The following MEI4 variants were observed in gnomAD, a reference collection of about 807,000 sequenced individuals.
The protein encoded by MEI4 is meiosis-specific protein MEI4.
A neutral mutation model predicts 31.4 loss-of-function variants in MEI4; 27 were observed. That is an observed-to-expected ratio of 0.86 (90% CI 0.63 to 1.19). MEI4 has a LOEUF of 1.19. Ranked by LOEUF, MEI4 falls within the 50% of genes most tolerant of loss-of-function variation. The pLI, the probability that MEI4 is intolerant of heterozygous loss-of-function variation, is 0.00. For missense variants in MEI4, 329 were observed against 398.9 expected (o/e 0.82, Z 1.49); for synonymous variants, 122 against 145.4 (o/e 0.84, Z 1.16).
intron 4 of MEI4, among the ~76,000 whole-genome samples, chr6:77,907,392 G>GT (rs1175107872): frequency 1.3e-5 from 2 of 151,996 alleles, no homozygotes; most frequent in Non-Finnish European, 2.9e-5. Flanking sequence ...GCAGTGTTTG[G>GT]TTTTTTGTCC....
Position 77,690,813 on chromosome 6 carries a change from A to T in MEI4, c.142A>T (p.Arg48Ter). 2 of 1,231,650 alleles carry T rather than the reference A, an allele frequency of 1.6e-6. No homozygotes were observed. Among genetic ancestry groups the T allele is most frequent in the East Asian group, 6.3e-5 (2 of 31,684 alleles). 76.3% of individuals were successfully genotyped at this position (1,231,650 alleles called of 1,614,324 possible). ...MLLSEEQSKWRSKVEILEAEV... is the reference protein window; with the variant it reads ...MLLSEEQSKW ...GCTGTCTGAGGAGCAGTCAAAATGG[A>T]GATCAAAAGTTGAAATCTTGGAAGC... Residue 48 changes from arginine to a stop codon, truncating the protein, a stop_gained, in exon 2 of 5, where the codon AGA becomes TGA. Transcript: ENST00000684080. LOFTEE classifies it high-confidence loss of function.
rs192039325 is a variant in MEI4, at chr6:77,715,080, T to A, written c.232+24177T>A. On this transcript the variant is annotated intron_variant, in intron 2 of 4. Coordinates refer to ENST00000684080, the MANE Select transcript of MEI4 (RefSeq NM_001322247.2). ...AACACCTAACATGGGTTTGATGAAT[T>A]AAACAGAATACAGTATGAGTTGTGT... 4.9e-4 allele frequency among the ~76,000 whole-genome samples: 74 copies of A among 152,328 alleles called. 1 individual carries two copies. The East Asian group carries it at 0.014, about 28-fold the overall frequency.
intron 4 of MEI4, among the ~76,000 whole-genome samples, chr6:77,852,731 A>G (rs545522427): frequency 1.3e-5 from 2 of 151,954 alleles, no homozygotes; most frequent in South Asian, 2.1e-4. Context: ...CTATTTTATA[A>G]TGGCACTAAT....
At chr6:77,895,394 A>C (rs1384486959) in intron 4 of MEI4, among the ~76,000 whole-genome samples, 2 of 152,132 alleles carry the variant, frequency 1.3e-5, no homozygotes, top group African/African-American at 4.8e-5. Context: ...ATGCATCATC[A>C]CTAAGCAGAG....
intron 2 of MEI4, among the ~76,000 whole-genome samples, chr6:77,759,426 TC>T (rs1767995704): frequency 6.6e-6 from 1 of 152,172 alleles, no homozygotes; most frequent in African/African-American, 2.4e-5. Context: ...TTCTCCCCAG[TC>T]TTAGGCTTAT....
chr6:77,690,626 A>T (rs1465080019), intron 1 of MEI4, 32 bp from the exon 2 acceptor site: 18 of 1,077,244 alleles, frequency 1.7e-5, no homozygotes, highest in Non-Finnish European at 1.9e-5. Context: ...GTTAAAAAGA[A>T]TTTCTATAAC....
At chr6:77,754,751 A>G (rs1385451479) in intron 2 of MEI4, among the ~76,000 whole-genome samples, 1 of 152,132 alleles carries the variant, frequency 6.6e-6, no homozygotes, top group Non-Finnish European at 1.5e-5. Flanking sequence ...ACCCACAATC[A>G]TGGTGGAAGG....
chr6:77,654,994 C>T (rs968388464), intron 1 of MEI4, among the ~76,000 whole-genome samples: 1 of 151,818 alleles, frequency 6.6e-6, no homozygotes, highest in African/African-American at 2.4e-5. Flanking sequence ...CACATGCTGC[C>T]ATGGTGGTTT....
At chr6:77,803,768 C>T (rs567941485) in intron 3 of MEI4, among the ~76,000 whole-genome samples, 16 of 152,264 alleles carry the variant, frequency 1.1e-4, no homozygotes, top group South Asian at 4.1e-4. Flanking sequence ...GTATCAGCAG[C>T]GGAGTCTGCA....
chr6:77,682,940 A>G (rs138367757), intron 1 of MEI4, among the ~76,000 whole-genome samples: 22 of 152,330 alleles, frequency 1.4e-4, no homozygotes, highest in African/African-American at 5.1e-4. Flanking sequence ...GGTAGATTAG[A>G]GAAGCTAGGA....
chr6:77,807,049 G>C (rs1179954020), intron 3 of MEI4, among the ~76,000 whole-genome samples: 4 of 151,736 alleles, frequency 2.6e-5, no homozygotes, highest in East Asian at 1.9e-4. Flanking sequence ...AAAATGGTCT[G>C]ATCAGATTTA....
Position 77,860,285 on chromosome 6 carries a change from G to C in MEI4, c.900+31223G>C, listed in dbSNP as rs147867769. On this transcript the variant is annotated intron_variant, in intron 4 of 4. Transcript: ENST00000684080. The stretch of plus-strand genomic sequence containing the variant: ...GTGAAATAAAATTTGAACGATGTCA[G>C]AAGAGGGGAGTTGATAGCAGCTGCT... 1.4e-3 allele frequency among the ~76,000 whole-genome samples: 212 copies of C among 152,292 alleles called. 1 individual carries two copies. The highest frequency in any genetic ancestry group is 4.5e-3 in the African/African-American group (186 of 41,578).
chr6:77,841,199 A>G lies in MEI4; in HGVS notation c.900+12137A>G, dbSNP rs564072487. On this transcript the variant is annotated intron_variant, in intron 4 of 4. Coordinates refer to ENST00000684080, the MANE Select transcript of MEI4 (RefSeq NM_001322247.2). The stretch of plus-strand genomic sequence containing the variant: ...TACTTGGTGTATATGGATGCAATGT[A>G]TATGATAACTAAAATATAAAGTTAT... 8.3e-4 allele frequency among the ~76,000 whole-genome samples: 125 copies of G among 151,336 alleles called. 3 individuals are homozygous for G. The South Asian group carries it at 0.026, about 31-fold the overall frequency.
intron 4 of MEI4, among the ~76,000 whole-genome samples, chr6:77,861,954 A>T (rs924029574): frequency 6.6e-6 from 1 of 152,162 alleles, no homozygotes. Context: ...TACTTCAAAC[A>T]TGTCTAGATG....
chr6:77,829,667 AT>A (rs1457499345), intron 4 of MEI4, among the ~76,000 whole-genome samples: 1 of 152,142 alleles, frequency 6.6e-6, no homozygotes, highest in Admixed American at 6.5e-5. Flanking sequence ...TAGAAGGAAC[AT>A]AAGTCATTCC....
At chr6:77,681,075 C>T (rs946981494) in intron 1 of MEI4, among the ~76,000 whole-genome samples, 78 of 152,088 alleles carry the variant, frequency 5.1e-4, no homozygotes, top group African/African-American at 1.8e-3. Flanking sequence ...TCATCATCTC[C>T]CCTCTTTAAT....
intron 3 of MEI4, among the ~76,000 whole-genome samples, chr6:77,776,160 T>C (rs776723960): frequency 9.6e-6 from 1 of 104,542 alleles, no homozygotes; most frequent in Non-Finnish European, 2.2e-5. Flanking sequence ...CTAATTGTTT[T>C]TTTTTTGTTT....
chr6:77,858,945 C>T (rs1420246119), intron 4 of MEI4, among the ~76,000 whole-genome samples: 3 of 150,578 alleles, frequency 2.0e-5, no homozygotes, highest in Non-Finnish European at 2.9e-5. Context: ...GTAAAACGTG[C>T]AGGTTTGTTA....
At chr6:77,741,577 G>A (rs1489863762) in intron 2 of MEI4, among the ~76,000 whole-genome samples, 1 of 152,116 alleles carries the variant, frequency 6.6e-6, no homozygotes, top group South Asian at 2.1e-4. Flanking sequence ...GGGTCATGAA[G>A]TATCCAGATG....
Sources: gnomAD v4.1 joint callset for allele counts (sites outside exome capture counted in the v4.1 genomes callset) on GRCh38, gnomAD v4.1.1 for gene constraint, MANE v1.5 for transcripts, NCBI Gene and HGNC (gene_info 2026-07-23, HGNC 2026-07-21) for gene names.